FRY: variants seen among roughly 807,000 people sequenced by gnomAD.
FRY encodes FRY microtubule binding protein, also known as protein furry homolog.
Under a neutral mutation model 348.4 loss-of-function variants are expected in FRY, and 128 were observed. The ratio of observed to expected loss-of-function variants is 0.37; its 90% CI spans 0.32 to 0.43. The LOEUF is 0.43. Among genes scored for constraint, FRY ranks in the 20% least tolerant of loss-of-function variants. The pLI is 1.00. For missense variants in FRY, 2,736 were observed against 3,695.2 expected (o/e 0.74, Z 6.73); for synonymous variants, 1,370 against 1,374.7 (o/e 1.00, Z 0.08).
At chr13:32,146,386 G>A (rs571873136) in intron 11 of FRY, among the ~76,000 whole-genome samples, 2 of 152,236 alleles carry the variant, frequency 1.3e-5, no homozygotes, top group South Asian at 4.1e-4. Context: ...GCCCAGGCTG[G>A]AGCGCAGTGG....
At chr13:32,246,488 G>A (rs866150856) in intron 47 of FRY, among the ~76,000 whole-genome samples, 3 of 152,264 alleles carry the variant, frequency 2.0e-5, no homozygotes, top group Non-Finnish European at 4.4e-5. Context: ...CAGAGGCTGA[G>A]AGGGCTTGCC....
rs537205769 is a variant in FRY at position 32,137,073 on chromosome 13, G to A, written c.1179+101G>A. Reference sequence around the variant, plus strand: ...GAAGTGACTCCTGATGTTTGCCAGGGGAATTGTCCTATACTGGTGGAATAA... The same window carrying A: ...GAAGTGACTCCTGATGTTTGCCAGGAGAATTGTCCTATACTGGTGGAATAA... On this transcript the variant is annotated intron_variant, in intron 11 of 60. Coordinates refer to ENST00000542859, the MANE Select transcript of FRY (RefSeq NM_023037.3). 2.6e-3 allele frequency: 1,980 copies of A among 762,156 alleles called. 10 individuals carry two copies. The highest frequency in any genetic ancestry group is 3.8e-3 in the Non-Finnish European group (1,583 of 414,882). The allele number at this position is 762,156 out of a possible 1,614,324, so 47.2% of individuals were successfully genotyped here.
intron 30 of FRY, 45 bp from the exon 31 acceptor site, chr13:32,202,311 C>A: frequency 7.0e-7 from 1 of 1,423,326 alleles, no homozygotes; most frequent in Non-Finnish European, 9.9e-7. Context: ...AGATATCCAG[C>A]TAATGCTTTT....
intron 50 of FRY, 105 bp downstream of exon 50, chr13:32,252,057 CAAG>C: frequency 1.2e-6 from 1 of 807,442 alleles, no homozygotes; most frequent in Non-Finnish European, 2.2e-6. Flanking sequence ...CTGTGAATGA[CAAG>C]TATGATAGCC....
intron 16 of FRY, among the ~76,000 whole-genome samples, chr13:32,160,781 C>CCATTTTTAAATGCTGAATGAGATA (rs1566103934): frequency 6.7e-6 from 1 of 149,238 alleles, no homozygotes; most frequent in African/African-American, 2.5e-5. Context: ...TATATATACT[C>CCATTTTTAAATGCTGAATGAGATA]CATTTTTAAA....
intron 1 of FRY, among the ~76,000 whole-genome samples, chr13:32,077,013 G>A (rs1053015121): frequency 6.6e-6 from 1 of 152,224 alleles, no homozygotes; most frequent in Non-Finnish European, 1.5e-5. Flanking sequence ...CCTAGTGGAG[G>A]TAGGTGTTAC....
intron 1 of FRY, among the ~76,000 whole-genome samples, chr13:32,047,049 GTA>G (rs1208177650): frequency 2.0e-5 from 3 of 152,032 alleles, no homozygotes; most frequent in East Asian, 1.9e-4. Context: ...GGGTATATAT[GTA>G]TATATAGAGA....
chr13:32,288,173 A>G (rs1889167748), intron 58 of FRY, among the ~76,000 whole-genome samples: 1 of 152,220 alleles, frequency 6.6e-6, no homozygotes, highest in Non-Finnish European at 1.5e-5. Context: ...GCTAGGTTTC[A>G]CCCAAATTGT....
chr13:32,274,808 G>C (rs1298955116), intron 55 of FRY, 34 bp from the exon 56 acceptor site: 3 of 1,520,838 alleles, frequency 2.0e-6, no homozygotes, highest in Non-Finnish European at 2.7e-6. Flanking sequence ...AGTTTAACTT[G>C]ACCTTTACAA....
chr13:32,235,378 C>G (rs1453732076), intron 42 of FRY, among the ~76,000 whole-genome samples: 1 of 152,230 alleles, frequency 6.6e-6, no homozygotes, highest in Non-Finnish European at 1.5e-5. Context: ...AATCCTAGCA[C>G]TTTGAGAGGC....
intron 16 of FRY, among the ~76,000 whole-genome samples, chr13:32,157,815 AAG>A (rs1881201592): frequency 6.6e-6 from 1 of 152,196 alleles, no homozygotes; most frequent in Non-Finnish European, 1.5e-5. Context: ...GCATCACAGA[AAG>A]CATTTTAAGA....
In FRY at chr13:32,046,756, C is replaced by T. The variant is rs959108731; in HGVS notation, c.70+14891C>T. Among the ~76,000 whole-genome samples the T allele has an allele frequency of 9.8e-5, 15 of 152,320 alleles. No homozygotes were observed. The East Asian group carries it at 1.3e-3, about 14-fold the overall frequency. The stretch of plus-strand genomic sequence containing the variant: ...TCTTAATCTTGGATCTTTCTCTACA[C>T]GGAGAAGCCATGATGTTTTACTTTG... On this transcript the variant is annotated intron_variant, in intron 1 of 60. Coordinates refer to ENST00000542859, the MANE Select transcript of FRY (RefSeq NM_023037.3).
rs1354063317 is a variant in FRY, at chr13:32,155,159, C to T, written c.1480-332C>T. Among the ~76,000 whole-genome samples the T allele has an allele frequency of 3.9e-5, 6 of 152,230 alleles. No individual in the cohort carries two copies. The East Asian group carries it at 1.2e-3, about 29-fold the overall frequency. On this transcript the variant is annotated intron_variant, in intron 14 of 60. Transcript: ENST00000542859. ...CAGGAGACGTATGAGCCCTTGTTTACCTCAGTTTACCTTAGTTGCATCCAG... is the reference window on the plus strand; with the variant it reads ...CAGGAGACGTATGAGCCCTTGTTTATCTCAGTTTACCTTAGTTGCATCCAG...
intron 18 of FRY, among the ~76,000 whole-genome samples, chr13:32,172,017 G>A (rs1593694862): frequency 1.9e-4 from 1 of 5,334 alleles, no homozygotes; most frequent in East Asian, 5.2e-3. Flanking sequence ...ATGTGATATG[G>A]ATGTGGATAT....
chr13:32,194,315 C>T lies in FRY; in HGVS notation c.3746+18C>T. The stretch of plus-strand genomic sequence containing the variant: ...GGAAGCAGGTACGAATTTTTATAAG[C>T]AGTGATGAGTGGCAAGTATGTTTAG... On this transcript the variant is annotated intron_variant, in intron 29 of 60. Transcript: ENST00000542859. 6.2e-7 allele frequency: 1 copy of T among 1,611,428 alleles called. No homozygotes were observed.
chr13:32,233,787 T>G (rs1593778507), intron 41 of FRY, among the ~76,000 whole-genome samples: 2 of 152,252 alleles, frequency 1.3e-5, no homozygotes, highest in African/African-American at 4.8e-5. Context: ...ATGTTATGTT[T>G]CAGACACTAT....
At chr13:32,053,199 A>G (rs1873438725) in intron 1 of FRY, among the ~76,000 whole-genome samples, 1 of 152,250 alleles carries the variant, frequency 6.6e-6, no homozygotes, top group African/African-American at 2.4e-5. Flanking sequence ...ACTGTATTAG[A>G]ACACAAAGGT....
At chr13:32,077,760 T>C (rs1875180362) in intron 1 of FRY, among the ~76,000 whole-genome samples, 1 of 152,238 alleles carries the variant, frequency 6.6e-6, no homozygotes, top group South Asian at 2.1e-4. Flanking sequence ...GCCTTTAATA[T>C]TGATGACACC....
intron 33 of FRY, 78 bp downstream of exon 33, chr13:32,209,809 C>T: frequency 7.3e-7 from 1 of 1,365,088 alleles, no homozygotes. Flanking sequence ...AGAATGTGCT[C>T]TTTGCTCCAG....
Sources: gnomAD v4.1 joint callset for allele counts (sites outside exome capture counted in the v4.1 genomes callset) on GRCh38, gnomAD v4.1.1 for gene constraint, MANE v1.5 for transcripts, NCBI Gene and HGNC (gene_info 2026-07-23, HGNC 2026-07-21) for gene names.